The following ZNF407 variants were observed in gnomAD, a reference collection of about 807,000 sequenced individuals.
ZNF407 encodes the protein zinc finger protein 407.
In ZNF407, 17 loss-of-function variants were observed where a neutral mutation model predicts 131.2. The observed-to-expected ratio is 0.13, with a 90% confidence interval of 0.09 to 0.19. The LOEUF (loss-of-function observed/expected upper bound fraction) is 0.19. Among genes scored for constraint, ZNF407 ranks in the 10% least tolerant of loss-of-function variants. The probability of loss-of-function intolerance (pLI) is 1.00; values close to 1 mark genes in which losing one functional copy is unlikely to be tolerated. For synonymous variants in ZNF407, 1,156 were observed against 1,062.0 expected, an observed-to-expected ratio of 1.09 and a Z score of -1.72; for missense variants, 2,681 against 2,830.6, an observed-to-expected ratio of 0.95 and a Z score of 1.20.
At chr18:74,874,588 G>T (rs1427358250) in intron 4 of ZNF407, among the ~76,000 whole-genome samples, 1 of 152,082 alleles carries the variant, frequency 6.6e-6, no homozygotes, top group Non-Finnish European at 1.5e-5. Flanking sequence ...CCGGGACTGT[G>T]CATCTCCCGT....
At chr18:74,945,717 G>T (rs1436203664) in intron 8 of ZNF407, among the ~76,000 whole-genome samples, 1 of 152,068 alleles carries the variant, frequency 6.6e-6, no homozygotes, top group African/African-American at 2.4e-5. Context: ...ATACACATCT[G>T]CTTTCTTTAT....
rs532945187 is a variant in ZNF407 at position 74,799,642 on chromosome 18, C to T, written c.4877+18140C>T. ...CATATAACAAGTCAGTATCTCTTTTCATTTGCAATAGGTAGAGACAGTGGT... is the reference window on the plus strand; with the variant it reads ...CATATAACAAGTCAGTATCTCTTTTTATTTGCAATAGGTAGAGACAGTGGT... On this transcript the variant is annotated intron_variant, in intron 4 of 8. Coordinates refer to ENST00000299687, the MANE Select transcript of ZNF407 (RefSeq NM_017757.3). Among the ~76,000 whole-genome samples the T allele has an allele frequency of 3.9e-5, 6 of 152,128 alleles. No homozygotes were observed. The South Asian group carries it at 1.0e-3, about 26-fold the overall frequency.
chr18:75,043,884 G>A lies in ZNF407; in HGVS notation c.5429-19266G>A, dbSNP rs184147897. On this transcript the variant is annotated intron_variant, in intron 8 of 8. Coordinates refer to ENST00000299687, the MANE Select transcript of ZNF407 (RefSeq NM_017757.3). ...ATCCGGATATAAAAATATTTACAGGGGAACCAGCTAGTTTGATAATCAATG... is the reference window on the plus strand; with the variant it reads ...ATCCGGATATAAAAATATTTACAGGAGAACCAGCTAGTTTGATAATCAATG... Among the ~76,000 whole-genome samples the A allele has an allele frequency of 2.6e-5, 4 of 152,142 alleles. No individual in the cohort carries two copies. The East Asian group carries it at 7.7e-4, about 29-fold the overall frequency.
chr18:74,931,427 C>T (rs1473204541), intron 8 of ZNF407, among the ~76,000 whole-genome samples: 1 of 152,136 alleles, frequency 6.6e-6, no homozygotes, highest in Non-Finnish European at 1.5e-5. Flanking sequence ...AAAGACGATA[C>T]ACAAATGACC....
At chr18:74,686,154 G>T (rs1006149029) in intron 3 of ZNF407, among the ~76,000 whole-genome samples, 10 of 152,142 alleles carry the variant, frequency 6.6e-5, no homozygotes, top group Admixed American at 2.6e-4. Flanking sequence ...TTTCACTTTG[G>T]GTTTTCCCAG....
chr18:74,946,378 C>T (rs1972153861), intron 8 of ZNF407, among the ~76,000 whole-genome samples: 1 of 152,154 alleles, frequency 6.6e-6, no homozygotes, highest in African/African-American at 2.4e-5. Flanking sequence ...AAGCTAACCA[C>T]ATTTTTCGCA....
intron 4 of ZNF407, among the ~76,000 whole-genome samples, chr18:74,809,989 A>G (rs888867043): frequency 1.3e-5 from 2 of 152,226 alleles, no homozygotes; most frequent in African/African-American, 4.8e-5. Flanking sequence ...TTTAACTGAG[A>G]TGCAAAAGAC....
chr18:74,766,634 C>G (rs1042558605), intron 3 of ZNF407, among the ~76,000 whole-genome samples: 1 of 152,136 alleles, frequency 6.6e-6, no homozygotes, highest in Non-Finnish European at 1.5e-5. Context: ...CGTATTTAAT[C>G]TCTAACTAAA....
intron 1 of ZNF407, among the ~76,000 whole-genome samples, chr18:74,601,323 GTA>G (rs1332983718): frequency 8.0e-6 from 1 of 125,102 alleles, no homozygotes; most frequent in Non-Finnish European, 1.7e-5. Flanking sequence ...GTGTGTGTGT[GTA>G]TGTCTGTGTG....
At chr18:75,007,050 C>G (rs1339989746) in intron 8 of ZNF407, among the ~76,000 whole-genome samples, 2 of 151,724 alleles carry the variant, frequency 1.3e-5, no homozygotes, top group African/African-American at 4.9e-5. Context: ...ACTTTTTCAA[C>G]TTTTTCTGGA....
intron 8 of ZNF407, among the ~76,000 whole-genome samples, chr18:75,036,644 C>A (rs1202131106): frequency 6.6e-6 from 1 of 152,208 alleles, no homozygotes; most frequent in Non-Finnish European, 1.5e-5. Flanking sequence ...GATACTTAGG[C>A]ATGCAATGTA....
At chr18:74,944,530 A>C (rs1351175900) in intron 8 of ZNF407, among the ~76,000 whole-genome samples, 3 of 152,202 alleles carry the variant, frequency 2.0e-5, no homozygotes, top group African/African-American at 7.2e-5. Context: ...TGTTTAACTA[A>C]ATACAAAAAG....
At chr18:74,664,240 G>A (rs1985837503) in intron 3 of ZNF407, among the ~76,000 whole-genome samples, 1 of 152,228 alleles carries the variant, frequency 6.6e-6, no homozygotes, top group Non-Finnish European at 1.5e-5. Flanking sequence ...GGTGGCTCAT[G>A]CCTATAATCA....
intron 1 of ZNF407, 106 bp from the exon 2 acceptor site, chr18:74,630,861 A>G (rs1984024566): frequency 2.5e-6 from 2 of 788,080 alleles, no homozygotes; most frequent in Admixed American, 3.2e-5. Context: ...CTCAGTATAA[A>G]GGGTGTTTCA....
chr18:74,756,659 T>C lies in ZNF407; in HGVS notation c.4803-24769T>C, dbSNP rs1048970266. Among the ~76,000 whole-genome samples the C allele has an allele frequency of 3.5e-4, 54 of 152,328 alleles. 1 individual carries two copies. Among genetic ancestry groups the C allele is most frequent in the African/African-American group, 1.3e-3 (52 of 41,596 alleles). On this transcript the variant is annotated intron_variant, in intron 3 of 8. Coordinates refer to ENST00000299687, the MANE Select transcript of ZNF407 (RefSeq NM_017757.3). ...ATCTTGCAACATTGCTGAAATTGTTTATTAATTTGAATAGTTTGCTATTTT... is the reference window on the plus strand; with the variant it reads ...ATCTTGCAACATTGCTGAAATTGTTCATTAATTTGAATAGTTTGCTATTTT...
chr18:74,627,778 T>C (rs796435835), intron 1 of ZNF407, among the ~76,000 whole-genome samples: 9 of 132,662 alleles, frequency 6.8e-5, no homozygotes, highest in South Asian at 2.4e-4. Flanking sequence ...TTTTCTCTCT[T>C]TCTCTCTCTC....
intron 3 of ZNF407, among the ~76,000 whole-genome samples, chr18:74,741,442 G>A (rs563359810): frequency 6.6e-6 from 1 of 152,120 alleles, no homozygotes; most frequent in South Asian, 2.1e-4. Context: ...GTTGGCTATA[G>A]CCTAAAACAA....
intron 1 of ZNF407, among the ~76,000 whole-genome samples, chr18:74,623,068 ATGTG>A (rs568345194): frequency 1.5e-4 from 23 of 149,240 alleles, no homozygotes; most frequent in Admixed American, 4.7e-4. Context: ...GAGTGAAGAT[ATGTG>A]TGTATCTGTA....
At chr18:74,800,835 C>T (rs1970007450) in intron 4 of ZNF407, among the ~76,000 whole-genome samples, 1 of 152,058 alleles carries the variant, frequency 6.6e-6, no homozygotes, top group South Asian at 2.1e-4. Flanking sequence ...CTTCATTTGT[C>T]AGTGATTTGC....
Sources: allele counts gnomAD v4.1 joint callset (sites outside exome capture counted in the v4.1 genomes callset), GRCh38; gene constraint gnomAD v4.1.1; transcripts MANE v1.5; gene names NCBI Gene and HGNC (gene_info 2026-07-23, HGNC 2026-07-21).